Variants in DLC1 observed in about 807,000 individuals in gnomAD.
DLC1 encodes the protein rho GTPase-activating protein 7.
A neutral mutation model predicts 140.3 loss-of-function variants in DLC1; 54 were observed. The observed-to-expected ratio is 0.38, with a 90% confidence interval of 0.31 to 0.48. The LOEUF is 0.48. DLC1 is among the 20% of genes least tolerant of loss of function. The probability of loss-of-function intolerance (pLI) is 0.96; values close to 1 mark genes in which losing one functional copy is unlikely to be tolerated. For synonymous variants in DLC1, 986 were observed against 728.1 expected, an observed-to-expected ratio of 1.35 and a Z score of -5.70; for missense variants, 2,536 against 1,907.0, an observed-to-expected ratio of 1.33 and a Z score of -6.14.
intron 2 of DLC1, among the ~76,000 whole-genome samples, chr8:13,441,191 T>G (rs1307523611): frequency 6.6e-6 from 1 of 152,138 alleles, no homozygotes; most frequent in East Asian, 1.9e-4. Flanking sequence ...ATAAATTAGG[T>G]ATTGATGGGA....
At chr8:13,215,315 G>A (rs994849220) in intron 5 of DLC1, among the ~76,000 whole-genome samples, 2 of 152,264 alleles carry the variant, frequency 1.3e-5, no homozygotes, top group Non-Finnish European at 2.9e-5. Flanking sequence ...GCTGGGCACA[G>A]TGGCTCACGC....
At chr8:13,230,629 C>G (rs1367939193) in intron 5 of DLC1, among the ~76,000 whole-genome samples, 1 of 145,462 alleles carries the variant, frequency 6.9e-6, no homozygotes, top group African/African-American at 2.6e-5. Flanking sequence ...TGGGGTCTCA[C>G]TCTGTAGCCC....
chr8:13,233,253 C>G (rs1039892675), intron 5 of DLC1, among the ~76,000 whole-genome samples: 1 of 127,042 alleles, frequency 7.9e-6, no homozygotes, highest in African/African-American at 3.0e-5. Context: ...TGAGATCATG[C>G]CACTACACTC....
intron 5 of DLC1, among the ~76,000 whole-genome samples, chr8:13,215,276 G>T (rs1395264454): frequency 4.6e-5 from 7 of 152,110 alleles, no homozygotes; most frequent in Admixed American, 3.9e-4. Flanking sequence ...CAGGCTGAAA[G>T]ACTCTGAATT....
intron 2 of DLC1, among the ~76,000 whole-genome samples, chr8:13,412,931 CAAAA>C (rs771025112): frequency 2.2e-4 from 21 of 93,964 alleles, no homozygotes; most frequent in South Asian, 3.8e-4. Context: ...GACTCCATCT[CAAAA>C]AAAAAAAAAA....
chr8:13,506,552 C>T (rs1431924528), intron 1 of DLC1, among the ~76,000 whole-genome samples: 2 of 92,014 alleles, frequency 2.2e-5, no homozygotes, highest in East Asian at 5.7e-4. Context: ...TGGACACACA[C>T]ACACACACAC....
rs376854781 is a variant in DLC1 at position 13,479,835 on chromosome 8, G to GAAAAGGAAAAGAAAGAAAGAA, written c.1023+19213_1023+19214insTTCTTTCTTTCTTTTCCTTTT. ...AGAAGAAGAAGAAGAAGAAGAAGAA[G>GAAAAGGAAAAGAAAGAAAGAA]AAGAAGAAGAAGAAGAAGAAGAAGA... On this transcript the variant is annotated intron_variant, in intron 2 of 17. Coordinates refer to ENST00000276297, the MANE Select transcript of DLC1 (RefSeq NM_182643.3). Among the ~76,000 whole-genome samples, 35 of 39,474 alleles carry GAAAAGGAAAAGAAAGAAAGAA rather than the reference G, an allele frequency of 8.9e-4. 1 individual carries two copies. In the East Asian group the frequency reaches 0.015, roughly 17 times the overall value. 25.9% of individuals were successfully genotyped at this position (39,474 alleles called of 152,430 possible).
intron 2 of DLC1, among the ~76,000 whole-genome samples, chr8:13,411,755 A>T (rs1315180847): frequency 6.6e-6 from 1 of 152,230 alleles, no homozygotes; most frequent in African/African-American, 2.4e-5. Context: ...GAAAATTTTT[A>T]GTGTGGATAT....
chr8:13,212,354 T>C (rs1273012150), intron 5 of DLC1, among the ~76,000 whole-genome samples: 1 of 152,194 alleles, frequency 6.6e-6, no homozygotes, highest in African/African-American at 2.4e-5. Context: ...TTTTGTTTTG[T>C]TTTGTTTTTG....
chr8:13,525,956 T>G (rs539219912), intron 1 of DLC1, among the ~76,000 whole-genome samples: 1 of 152,294 alleles, frequency 6.6e-6, no homozygotes, highest in African/African-American at 2.4e-5. Flanking sequence ...TAGTATTAGG[T>G]TTTACACCTA....
chr8:13,406,705 G>T (rs543251875), intron 2 of DLC1, among the ~76,000 whole-genome samples: 1 of 152,074 alleles, frequency 6.6e-6, no homozygotes, highest in South Asian at 2.1e-4. Context: ...TTAACTGTTG[G>T]TGCCCAGAAT....
chr8:13,193,540 C>A (rs992694249), intron 5 of DLC1, among the ~76,000 whole-genome samples: 1 of 152,192 alleles, frequency 6.6e-6, no homozygotes, highest in Admixed American at 6.5e-5. Flanking sequence ...CCATTTCCTA[C>A]TAACTCAGTG....
chr8:13,485,542 G>T (rs1319621144), intron 2 of DLC1, among the ~76,000 whole-genome samples: 1 of 152,144 alleles, frequency 6.6e-6, no homozygotes, highest in Non-Finnish European at 1.5e-5. Context: ...TGCAAATCTT[G>T]GGCAGCAGTT....
intron 2 of DLC1, among the ~76,000 whole-genome samples, chr8:13,437,463 A>G (rs998540277): frequency 6.6e-6 from 1 of 152,228 alleles, no homozygotes; most frequent in Non-Finnish European, 1.5e-5. Context: ...GATCGTATGC[A>G]TGATGTAAGC....
Position 13,086,381 on chromosome 8 carries a change from C to A in DLC1, c.4375G>T (p.Val1459Leu), listed in dbSNP as rs776272725. 15 of 1,614,118 alleles carry A rather than the reference C, an allele frequency of 9.3e-6. No individual in the cohort carries two copies. The highest frequency in any genetic ancestry group is 2.7e-5 in the African/African-American group (2 of 74,932). ...CTGGACAAGAGCACATTAACCCTCACACCCACCACAGGTGCGCGATCGTGA... is the reference window on the plus strand; with the variant it reads ...CTGGACAAGAGCACATTAACCCTCAAACCCACCACAGGTGCGCGATCGTGA... ...VDHDRAPVVGVRVNVLLSRYL... is the reference protein window; with the variant it reads ...VDHDRAPVVGLRVNVLLSRYL... Residue 1459 changes from valine (V) to leucine (L), a missense_variant, in exon 17 of 18, where the codon GTG becomes TTG. Physicochemically the swap from Val to Leu is conservative, Grantham distance 32 (BLOSUM62 1). Coordinates refer to ENST00000276297, the MANE Select transcript of DLC1 (RefSeq NM_182643.3).
At chr8:13,597,339 C>T (rs1345179201) in intron 1 of DLC1, among the ~76,000 whole-genome samples, 2 of 151,952 alleles carry the variant, frequency 1.3e-5, no homozygotes, top group African/African-American at 2.4e-5. Flanking sequence ...AGACGTGAAC[C>T]GTATTGCTTC....
chr8:13,090,246 C>T lies in DLC1; in HGVS notation c.4074+6G>A, dbSNP rs759716303. On this transcript the variant is annotated splice_donor_region_variant and intron_variant, in intron 15 of 17. Coordinates refer to ENST00000276297, the MANE Select transcript of DLC1 (RefSeq NM_182643.3). ...TCAACTAGCCGACAACAGGGTGAAG[C>T]CTTACCTTCTTATAGGACAGCTCAG... The T allele has an allele frequency of 3.7e-6, 6 of 1,613,054 alleles. No individual in the cohort carries two copies. Among genetic ancestry groups the T allele is most frequent in the Non-Finnish European group, 5.1e-6 (6 of 1,179,518 alleles).
rs770217809 is a variant in DLC1, at chr8:13,090,392, G to A, written c.3934C>T (p.His1312Tyr). Residue 1312 changes from histidine (H) to tyrosine (Y), a missense_variant, in exon 15 of 18, where the codon CAC becomes TAC. Transcript: ENST00000276297. ...TCAGCTGAGTCATCATTACCCAGGT[G>A]CCCGAGTGCTTCCAGAGTGAGGGGC... is the stretch of plus-strand genomic sequence containing the variant. ...LKPLTLEALGHLGNDDSADYQ... is the reference protein window; with the variant it reads ...LKPLTLEALGYLGNDDSADYQ... The A allele has an allele frequency of 3.1e-6, 5 of 1,614,088 alleles. No homozygotes were observed. The African/African-American group carries it at 6.7e-5, about 22-fold the overall frequency.
chr8:13,245,743 C>G (rs1032578857), intron 5 of DLC1, among the ~76,000 whole-genome samples: 67 of 152,234 alleles, frequency 4.4e-4, no homozygotes, highest in African/African-American at 1.6e-3. Context: ...CTCTGTCACC[C>G]AGGCTGGAGT....
Sources: gnomAD v4.1 joint callset for allele counts (sites outside exome capture counted in the v4.1 genomes callset) on GRCh38, gnomAD v4.1.1 for gene constraint, MANE v1.5 for transcripts, NCBI Gene and HGNC (gene_info 2026-07-23, HGNC 2026-07-21) for gene names.